TULP4: variants seen among roughly 807,000 people sequenced by gnomAD.
The protein encoded by TULP4 is tubby-related protein 4.
A neutral mutation model predicts 129.0 loss-of-function variants in TULP4; 16 were observed. The observed-to-expected ratio is 0.12, with a 90% CI of 0.08 to 0.19. The LOEUF is 0.19. Ranked by LOEUF, TULP4 falls within the 10% of genes least tolerant of loss-of-function variation. The probability of loss-of-function intolerance (pLI) is 1.00; values close to 1 mark genes in which losing one functional copy is unlikely to be tolerated. For synonymous variants in TULP4, 998 were observed against 854.0 expected, an observed-to-expected ratio of 1.17 and a Z score of -2.94; for missense variants, 1,842 against 2,059.1, an observed-to-expected ratio of 0.89 and a Z score of 2.04.
intron 1 of TULP4, among the ~76,000 whole-genome samples, chr6:158,320,358 AC>A (rs2128486353): frequency 6.6e-6 from 1 of 152,328 alleles, no homozygotes; most frequent in African/African-American, 2.4e-5. Flanking sequence ...ATTCTATGAA[AC>A]AATTTCTTAC....
At chr6:158,410,102 C>T (rs1188774419) in intron 1 of TULP4, among the ~76,000 whole-genome samples, 1 of 152,196 alleles carries the variant, frequency 6.6e-6, no homozygotes, top group Non-Finnish European at 1.5e-5. Flanking sequence ...CATCTGCCCT[C>T]CTCTGCCTCC....
intron 1 of TULP4, among the ~76,000 whole-genome samples, chr6:158,248,505 C>T (rs1457696820): frequency 6.6e-6 from 1 of 152,122 alleles, no homozygotes. Flanking sequence ...TCCTGACCTT[C>T]TGATCTGCCC....
rs568559139 is a variant in TULP4 at position 158,504,820 on chromosome 6, C to T, written c.4515+642C>T. Among the ~76,000 whole-genome samples the T allele has an allele frequency of 3.3e-5, 5 of 152,302 alleles. No homozygotes were observed. The East Asian group carries it at 5.8e-4, about 18-fold the overall frequency. The stretch of plus-strand genomic sequence containing the variant: ...AGTCATATTTGTAAAGAATACGTTT[C>T]TACTTCTGTTCATTGACTTTTCTGT... On this transcript the variant is annotated intron_variant, in intron 13 of 13. Coordinates refer to ENST00000367097, the MANE Select transcript of TULP4 (RefSeq NM_020245.5).
chr6:158,444,023 T>G (rs376402108), intron 3 of TULP4, among the ~76,000 whole-genome samples: 41 of 151,696 alleles, frequency 2.7e-4, no homozygotes, highest in East Asian at 5.8e-4. Context: ...ATTGAGACCA[T>G]CCTGGCTAAC....
chr6:158,352,017 C>T (rs1780537078), intron 1 of TULP4, among the ~76,000 whole-genome samples: 2 of 152,006 alleles, frequency 1.3e-5, no homozygotes, highest in South Asian at 4.2e-4. Flanking sequence ...CTACCACACC[C>T]AGCCCCATTA....
chr6:158,380,515 G>A (rs567571368), intron 1 of TULP4, among the ~76,000 whole-genome samples: 108 of 152,316 alleles, frequency 7.1e-4, no homozygotes, highest in African/African-American at 2.5e-3. Context: ...TGCATAGAAA[G>A]TTGGGGAGAT....
chr6:158,308,458 C>G (rs1453109044), upstream of TULP4, among the ~76,000 whole-genome samples: 24 of 152,084 alleles, frequency 1.6e-4, no homozygotes, highest in East Asian at 3.7e-3. Context: ...ACCTTTCCCC[C>G]CTTTCTATTC....
intron 1 of TULP4, among the ~76,000 whole-genome samples, chr6:158,249,081 C>A (rs563863211): frequency 4.2e-5 from 6 of 142,482 alleles, no homozygotes; most frequent in Admixed American, 2.9e-4. Flanking sequence ...CAGAGTGAGA[C>A]CCTGTCTCAA....
chr6:158,288,213 A>T (rs1778862661), intron 1 of TULP4, among the ~76,000 whole-genome samples: 1 of 152,104 alleles, frequency 6.6e-6, no homozygotes, highest in Non-Finnish European at 1.5e-5. Context: ...AATAATTTGC[A>T]TGTCCAGTTT....
Position 158,491,390 on chromosome 6 carries a change from G to GTTCTTTCTTTCT in TULP4, c.1631+1701_1631+1712dup, listed in dbSNP as rs534422353. Among the ~76,000 whole-genome samples, 106 of 146,862 alleles carry GTTCTTTCTTTCT rather than the reference G, an allele frequency of 7.2e-4. 1 individual carries two copies. Among genetic ancestry groups the GTTCTTTCTTTCT allele is most frequent in the South Asian group, 8.8e-4 (4 of 4,568 alleles). ...TGGGTTGTTTTATTGAGTTATAAGA[G>GTTCTTTCTTTCT]TTCTTTCTTTCTTTCTTTCTTTCTT... On this transcript the variant is annotated intron_variant, in intron 9 of 13. Transcript: ENST00000367097.
chr6:158,235,358 C>T (rs1777671249), intron 1 of TULP4, among the ~76,000 whole-genome samples: 1 of 152,134 alleles, frequency 6.6e-6, no homozygotes, highest in Non-Finnish European at 1.5e-5. Context: ...GAAACCACCC[C>T]TCTATTTTCT....
intron 1 of TULP4, among the ~76,000 whole-genome samples, chr6:158,407,350 G>C (rs1454856850): frequency 6.6e-6 from 1 of 152,200 alleles, no homozygotes; most frequent in Non-Finnish European, 1.5e-5. Context: ...TCATTTTTTA[G>C]AAGACAGGCA....
At position 158,240,843 on chromosome 6, in the gene TULP4, G is replaced by T. The variant is rs1297782576; in HGVS notation, n.68+8540G>T. Among the ~76,000 whole-genome samples, 4 of 150,604 alleles carry T rather than the reference G, an allele frequency of 2.7e-5. No homozygotes were observed. In the East Asian group the frequency reaches 8.1e-4, roughly 31 times the overall value. On this transcript the variant is annotated intron_variant and non_coding_transcript_variant, in intron 1 of 1. Coordinates refer to the TULP4 transcript ENST00000620026. ...GGATGGCATGGCTGGCTGGGCGGGG[G>T]GGCTGACCCCCCACCTCCCTCCCGG... is the stretch of plus-strand genomic sequence containing the variant.
At position 158,362,149 on chromosome 6, in the gene TULP4, G is replaced by T. The variant is rs149607867; in HGVS notation, c.252+47881G>T. Among the ~76,000 whole-genome samples the T allele has an allele frequency of 4.6e-5, 7 of 152,264 alleles. No individual in the cohort carries two copies. In the Middle Eastern group the frequency reaches 0.01, roughly 222 times the overall value. On this transcript the variant is annotated intron_variant, in intron 1 of 13. Transcript: ENST00000367097. The stretch of plus-strand genomic sequence containing the variant: ...ACACTGCTGAGTAGCATCAGCTCTT[G>T]CCCAGGGATATGAACCCACACTCTG...
At chr6:158,453,352 C>A (rs939520644) in intron 5 of TULP4, among the ~76,000 whole-genome samples, 2 of 151,446 alleles carry the variant, frequency 1.3e-5, no homozygotes, top group Non-Finnish European at 2.9e-5. Context: ...GGCGTGGTGG[C>A]GGGCGCCTGT....
At chr6:158,365,899 C>CTTTTTTTTTTTTTTTTTTTTTTTTTTTT (rs5881257) in intron 1 of TULP4, among the ~76,000 whole-genome samples, 1 of 57,560 alleles carries the variant, frequency 1.7e-5, no homozygotes, top group Non-Finnish European at 2.9e-5. Context: ...CTTTTTCTTT[C>CTTTTTTTTTTTTTTTTTTTTTTTTTTTT]TTTTTTTTTT....
intron 6 of TULP4, among the ~76,000 whole-genome samples, chr6:158,474,139 G>A (rs915030429): frequency 6.6e-5 from 10 of 152,248 alleles, no homozygotes; most frequent in African/African-American, 2.2e-4. Context: ...GTTTTAAAGT[G>A]AACTATTTTG....
At chr6:158,381,327 C>T (rs1777320970) in intron 1 of TULP4, among the ~76,000 whole-genome samples, 3 of 152,070 alleles carry the variant, frequency 2.0e-5, no homozygotes. Context: ...CTACACATAC[C>T]ATAGAGTATG....
intron 8 of TULP4, among the ~76,000 whole-genome samples, chr6:158,483,783 C>T (rs1033156675): frequency 6.6e-6 from 1 of 152,048 alleles, no homozygotes; most frequent in Non-Finnish European, 1.5e-5. Context: ...TGGGGTGGGG[C>T]CTACAAACAT....
Sources: gnomAD v4.1 joint callset for allele counts (sites outside exome capture counted in the v4.1 genomes callset) on GRCh38, gnomAD v4.1.1 for gene constraint, MANE v1.5 for transcripts, NCBI Gene and HGNC (gene_info 2026-07-23, HGNC 2026-07-21) for gene names.